The following RAB25 variants were observed in gnomAD, a reference collection of about 807,000 sequenced individuals.
The protein encoded by RAB25 is RAB25, member RAS oncogene family.
A neutral mutation model predicts 25.2 loss-of-function variants in RAB25; 23 were observed. That is an observed-to-expected ratio of 0.91 (90% confidence interval 0.66 to 1.29). The LOEUF is 1.29. Ranked by LOEUF, RAB25 falls within the 50% of genes most tolerant of loss-of-function variation. The probability of loss-of-function intolerance (pLI) is 0.00; values close to 1 mark genes in which losing one functional copy is unlikely to be tolerated. For missense variants in RAB25, 244 were observed against 277.3 expected (o/e 0.88, Z 0.85); for synonymous variants, 102 against 111.5 (o/e 0.91, Z 0.54).
In RAB25 at chr1:156,070,447, CT is replaced by C; in HGVS notation, c.*164del. On this transcript the variant is annotated 3_prime_UTR_variant, in exon 5 of 5. Coordinates refer to ENST00000361084, the MANE Select transcript of RAB25 (RefSeq NM_020387.4). ...TCTTCATGCCCTATCACAAATACCT[CT>C]TTTATCTGTCCACCCCTCACAGACT... 1.1e-6 allele frequency: 1 copy of C among 916,440 alleles called. No homozygotes were observed. Among genetic ancestry groups the C allele is most frequent in the Non-Finnish European group, 1.6e-6 (1 of 617,072 alleles). 56.8% of individuals were successfully genotyped at this position (916,440 alleles called of 1,614,324 possible). A position where few individuals can be genotyped will look rare whatever the true frequency, so the allele number is the denominator to read the frequency against.
At chr1:156,068,151 T>C in intron 2 of RAB25, 119 bp from the exon 3 acceptor site, 1 of 925,122 alleles carries the variant, frequency 1.1e-6, no homozygotes. Context: ...GCCGCAAGTT[T>C]CTGTATTTCC....
chr1:156,064,678 G>A (rs1647690628), intron 1 of RAB25, among the ~76,000 whole-genome samples: 2 of 152,196 alleles, frequency 1.3e-5, no homozygotes, highest in African/African-American at 2.4e-5. Context: ...GCCTCCCAAA[G>A]TTCTGGGATT....
rs749469341 is a variant in RAB25 at position 156,069,739 on chromosome 1, A to G, written c.502A>G (p.Thr168Ala). 5.2e-5 allele frequency: 84 copies of G among 1,611,110 alleles called. No homozygotes were observed. The highest frequency in any genetic ancestry group is 6.8e-5 in the Non-Finnish European group (80 of 1,177,560). ...TACCAATGTTGAGCTAGCCTTTGAG[A>G]CTGTCCTGAAAGGTTAGAGCCTACC... ...DSTNVELAFE[T>A]VLKEIFAKVS... is the part of the protein sequence containing the mutation. Residue 168 changes from threonine (T) to alanine (A), a missense_variant, in exon 4 of 5, where the codon ACT becomes GCT. Transcript: ENST00000361084.
intron 4 of RAB25, 176 bp downstream of exon 4, chr1:156,069,927 C>G (rs1647858456): frequency 2.4e-6 from 2 of 842,078 alleles, no homozygotes; most frequent in African/African-American, 1.7e-5. Flanking sequence ...CAGTCTGGAG[C>G]TCAGGGAGGG....
chr1:156,061,820 T>C (rs915312175), intron 1 of RAB25, among the ~76,000 whole-genome samples: 5 of 152,156 alleles, frequency 3.3e-5, no homozygotes, highest in South Asian at 2.1e-4. Context: ...AGTCTTGCTC[T>C]GTCGCCCAGG....
chr1:156,070,059 C>G lies in RAB25; in HGVS notation c.515-101C>G. The G allele has an allele frequency of 4.4e-6, 7 of 1,574,486 alleles. No homozygotes were observed. The Admixed American group carries it at 1.2e-4, about 27-fold the overall frequency. On this transcript the variant is annotated intron_variant, in intron 4 of 4. Coordinates refer to ENST00000361084, the MANE Select transcript of RAB25 (RefSeq NM_020387.4). The stretch of plus-strand genomic sequence containing the variant: ...AAACCTCCTGCAAGTGTGGCCACCC[C>G]CCATGCTCAGAAGGGGCATGCAGTA...
chr1:156,063,147 G>GT (rs1322609273), intron 1 of RAB25, among the ~76,000 whole-genome samples: 1 of 150,144 alleles, frequency 6.7e-6, no homozygotes, highest in African/African-American at 2.4e-5. Context: ...ATGTTTGTTT[G>GT]TTTTTTGAGA....
intron 3 of RAB25, among the ~76,000 whole-genome samples, chr1:156,069,364 G>A (rs111760269): frequency 6.6e-6 from 1 of 151,762 alleles, no homozygotes; most frequent in Non-Finnish European, 1.5e-5. Flanking sequence ...TATTTTTAGT[G>A]GAGACGGGGT....
intron 3 of RAB25, 24 bp downstream of exon 3, chr1:156,068,487 C>T (rs1429454877): frequency 6.2e-7 from 1 of 1,604,544 alleles, no homozygotes; most frequent in Admixed American, 1.7e-5. Flanking sequence ...ACTACCCAGG[C>T]TGACTCCTCC....
At chr1:156,069,610 ATATTAT>A (rs139198052) in intron 3 of RAB25, 55 bp from the exon 4 acceptor site, 27 of 1,272,148 alleles carry the variant, frequency 2.1e-5, no homozygotes, top group East Asian at 2.3e-5. Context: ...GCAAACATTA[ATATTAT>A]TATTATTATT....
chr1:156,068,085 A>G (rs1216440640), intron 2 of RAB25, 185 bp from the exon 3 acceptor site: 1 of 541,094 alleles, frequency 1.8e-6, no homozygotes, highest in East Asian at 2.9e-5. Flanking sequence ...CTCCAAGACT[A>G]GTGTCCCTGG....
intron 2 of RAB25, among the ~76,000 whole-genome samples, chr1:156,066,661 G>A (rs1189159487): frequency 6.6e-6 from 1 of 152,210 alleles, no homozygotes; most frequent in Admixed American, 6.5e-5. Flanking sequence ...CTCTTAGGCC[G>A]GGTGTGTTGG....
chr1:156,069,735 T>C lies in RAB25; in HGVS notation c.498T>C (p.Phe166=). Residue 166 remains phenylalanine, a synonymous_variant, in exon 4 of 5, where the codon TTT becomes TTC. Coordinates refer to ENST00000361084, the MANE Select transcript of RAB25 (RefSeq NM_020387.4). ...ACTCTACCAATGTTGAGCTAGCCTT[T>C]GAGACTGTCCTGAAAGGTTAGAGCC... ...ALDSTNVELA[F]ETVLKEIFAK... is the part of the protein sequence containing the mutation. 6.2e-7 allele frequency: 1 copy of C among 1,612,242 alleles called. No individual in the cohort carries two copies. The highest frequency in any genetic ancestry group is 8.5e-7 in the Non-Finnish European group (1 of 1,178,310).
chr1:156,068,264 A>C lies in RAB25; in HGVS notation c.240-6A>C. The C allele has an allele frequency of 1.2e-6, 2 of 1,604,812 alleles. No individual in the cohort carries two copies. Among genetic ancestry groups the C allele is most frequent in the Non-Finnish European group, 1.7e-6 (2 of 1,172,120 alleles). ...ATCTCTGTCCATCCTTCTCATTCCC[A>C]CCCAGGTACTATCGTGGTGCAGTGG... On this transcript the variant is annotated splice_region_variant and splice_polypyrimidine_tract_variant and intron_variant, in intron 2 of 4. Coordinates refer to ENST00000361084, the MANE Select transcript of RAB25 (RefSeq NM_020387.4).
intron 4 of RAB25, 135 bp downstream of exon 4, chr1:156,069,886 C>T: frequency 2.2e-6 from 2 of 893,956 alleles, no homozygotes; most frequent in Non-Finnish European, 3.7e-6. Context: ...CACTGCCTGT[C>T]CCCCTCAGTC....
At chr1:156,062,939 A>G (rs960866007) in intron 1 of RAB25, among the ~76,000 whole-genome samples, 2 of 151,526 alleles carry the variant, frequency 1.3e-5, no homozygotes, top group Non-Finnish European at 2.9e-5. Flanking sequence ...CTGTAATCCC[A>G]GCTACTCGGG....
intron 1 of RAB25, among the ~76,000 whole-genome samples, chr1:156,064,516 G>C (rs979817031): frequency 6.6e-6 from 1 of 151,488 alleles, no homozygotes; most frequent in Non-Finnish European, 1.5e-5. Flanking sequence ...CAGGGCTCAA[G>C]CAATCCTCCC....
intron 4 of RAB25, 70 bp from the exon 5 acceptor site, chr1:156,070,090 G>C (rs1572295186): frequency 6.2e-7 from 1 of 1,606,930 alleles, no homozygotes; most frequent in Non-Finnish European, 8.5e-7. Flanking sequence ...CAGTATGTAT[G>C]GGGGGGTTGG....
intron 1 of RAB25, among the ~76,000 whole-genome samples, chr1:156,064,332 C>T (rs915719329): frequency 4.6e-5 from 7 of 151,824 alleles, no homozygotes; most frequent in East Asian, 1.9e-4. Flanking sequence ...CCACAACCTA[C>T]GGGGCTCAAA....
Sources: allele counts gnomAD v4.1 joint callset (sites outside exome capture counted in the v4.1 genomes callset), GRCh38; gene constraint gnomAD v4.1.1; transcripts MANE v1.5; gene names NCBI Gene and HGNC (gene_info 2026-07-23, HGNC 2026-07-21).